ANKH: variants seen among roughly 807,000 people sequenced by gnomAD.
ANKH encodes the protein ANKH inorganic pyrophosphate transport regulator, also known as mineralization regulator ANKH.
In ANKH, 15 loss-of-function variants were observed where a neutral mutation model predicts 49.0. That is an observed-to-expected ratio of 0.31 (90% CI 0.20 to 0.47). The LOEUF is 0.47. Ranked by LOEUF, ANKH falls within the 20% of genes least tolerant of loss-of-function variation. ANKH has a pLI of 1.00. For missense variants in ANKH, 429 were observed against 652.0 expected (o/e 0.66, Z 3.72); for synonymous variants, 273 against 260.0 (o/e 1.05, Z -0.48).
chr5:14,845,218 T>C (rs1001943341), intron 1 of ANKH, among the ~76,000 whole-genome samples: 2 of 152,054 alleles, frequency 1.3e-5, no homozygotes, highest in Admixed American at 1.3e-4. Context: ...CGAGTATATA[T>C]GTTAAGAGTC....
chr5:14,781,134 G>A (rs1739792617), intron 1 of ANKH, among the ~76,000 whole-genome samples: 2 of 152,148 alleles, frequency 1.3e-5, no homozygotes, highest in Admixed American at 1.3e-4. Flanking sequence ...AAAGTGGCTT[G>A]GGTTAAATTG....
At chr5:14,803,828 A>T (rs1195702298) in intron 1 of ANKH, among the ~76,000 whole-genome samples, 7 of 152,296 alleles carry the variant, frequency 4.6e-5, no homozygotes, top group African/African-American at 1.7e-4. Context: ...ACTGGCAAGG[A>T]ATGTGGGAAC....
At chr5:14,787,844 G>C (rs935645110) in intron 1 of ANKH, among the ~76,000 whole-genome samples, 43 of 152,242 alleles carry the variant, frequency 2.8e-4, no homozygotes, top group African/African-American at 1.0e-3. Context: ...CTACATACTA[G>C]GAGTTATGTG....
chr5:14,812,030 C>T (rs1279507743), intron 1 of ANKH, among the ~76,000 whole-genome samples: 1 of 150,276 alleles, frequency 6.7e-6, no homozygotes, highest in Non-Finnish European at 1.5e-5. Context: ...GTCCATTCTT[C>T]TCTCTCTATT....
chr5:14,765,531 C>G (rs749007433), intron 2 of ANKH, among the ~76,000 whole-genome samples: 3 of 152,068 alleles, frequency 2.0e-5, no homozygotes, highest in Non-Finnish European at 4.4e-5. Flanking sequence ...TCTAACCCAG[C>G]CTTGTCTGGG....
intron 1 of ANKH, among the ~76,000 whole-genome samples, chr5:14,856,372 G>C (rs1735245959): frequency 6.6e-6 from 1 of 152,146 alleles, no homozygotes; most frequent in South Asian, 2.1e-4. Context: ...TTTGCATCCA[G>C]TCTGTTTGGT....
chr5:14,838,072 T>C (rs556525767), intron 1 of ANKH, among the ~76,000 whole-genome samples: 2 of 152,080 alleles, frequency 1.3e-5, no homozygotes, highest in Admixed American at 6.5e-5. Flanking sequence ...ATGAGAACAC[T>C]TGGACACAGG....
chr5:14,751,377 G>T, intron 4 of ANKH, 138 bp from the exon 5 acceptor site: 1 of 821,804 alleles, frequency 1.2e-6, no homozygotes, highest in Non-Finnish European at 2.0e-6. Flanking sequence ...ACCAAAAATT[G>T]GATGATGACC....
intron 8 of ANKH, among the ~76,000 whole-genome samples, chr5:14,734,284 C>G (rs573670839): frequency 1.3e-4 from 20 of 151,400 alleles, no homozygotes; most frequent in Non-Finnish European, 2.4e-4. Context: ...ATTAGCCAAT[C>G]GGAATTAGTT....
Position 14,709,284 on chromosome 5 carries a change from C to G in ANKH, c.*1913G>C, listed in dbSNP as rs960660857. 1 of 128,244 alleles carries G rather than the reference C, an allele frequency of 7.8e-6. No individual in the cohort carries two copies. Among genetic ancestry groups the G allele is most frequent in the African/African-American group, 2.7e-5 (1 of 37,312 alleles). 7.9% of individuals were successfully genotyped at this position (128,244 alleles called of 1,614,324 possible). A position where few individuals can be genotyped will look rare whatever the true frequency, so the allele number is the denominator to read the frequency against. On this transcript the variant is annotated 3_prime_UTR_variant, in exon 12 of 12. Transcript: ENST00000284268. ...TACTGTTTAATTTTCTAGTAATGTC[C>G]TTTAAAAAAAGCTGATACATTGAGA... is the stretch of plus-strand genomic sequence containing the variant.
intron 1 of ANKH, among the ~76,000 whole-genome samples, chr5:14,836,441 T>C (rs1741656290): frequency 1.3e-5 from 2 of 152,218 alleles, no homozygotes; most frequent in African/African-American, 4.8e-5. Context: ...AAAATCAATG[T>C]GCAAAAATCA....
In ANKH at chr5:14,711,013, C is replaced by T. The variant is rs945401515; in HGVS notation, c.*184G>A. 4.4e-5 allele frequency: 28 copies of T among 641,934 alleles called. No individual in the cohort carries two copies. The highest frequency in any genetic ancestry group is 1.7e-4 in the East Asian group (6 of 35,838). The allele number at this position is 641,934 out of a possible 1,614,324, so 39.8% of individuals were successfully genotyped here. A position where few individuals can be genotyped will look rare whatever the true frequency, so the allele number is the denominator to read the frequency against. ...CAACAGTAAAGACCATTCACTAGGT[C>T]CCCCCGTCAGTGTGAGCATACCCAG... On this transcript the variant is annotated 3_prime_UTR_variant, in exon 12 of 12. Coordinates refer to ENST00000284268, the MANE Select transcript of ANKH (RefSeq NM_054027.6).
intron 1 of ANKH, chr5:14,797,145 T>A (rs1292534189): frequency 7.4e-7 from 1 of 1,348,070 alleles, no homozygotes; most frequent in East Asian, 2.4e-5. Context: ...TCCTTCTGGA[T>A]CCATGCTTCC....
chr5:14,736,006 C>CTT (rs540010631), intron 8 of ANKH, among the ~76,000 whole-genome samples: 1,548 of 83,560 alleles, frequency 0.019, 54 homozygotes, highest in Non-Finnish European at 0.02. Flanking sequence ...AAAAACCTAA[C>CTT]TTTTTTTTTT....
At chr5:14,750,950 T>C in intron 5 of ANKH, 119 bp downstream of exon 5, 1 of 1,292,232 alleles carries the variant, frequency 7.7e-7, no homozygotes, top group Non-Finnish European at 1.1e-6. Context: ...CCTCTGGGTA[T>C]GACATCCTGG....
At chr5:14,759,220 T>G (rs1738996543) in intron 2 of ANKH, among the ~76,000 whole-genome samples, 1 of 152,150 alleles carries the variant, frequency 6.6e-6, no homozygotes, top group Non-Finnish European at 1.5e-5. Flanking sequence ...CGCTGGAAAA[T>G]GACATTGCGG....
At chr5:14,769,300 G>A (rs1351487229) in intron 1 of ANKH, 109 bp from the exon 2 acceptor site, 2 of 891,812 alleles carry the variant, frequency 2.2e-6, no homozygotes, top group African/African-American at 3.3e-5. Flanking sequence ...GAAACACTAA[G>A]TAGCTTATAG....
chr5:14,850,373 T>G (rs1039324591), intron 1 of ANKH, among the ~76,000 whole-genome samples: 2 of 152,242 alleles, frequency 1.3e-5, no homozygotes, highest in African/African-American at 4.8e-5. Flanking sequence ...TCCTTCCATT[T>G]AGAGGGAAAA....
rs989008193 is a variant in ANKH, at chr5:14,709,390, G to A, written c.*1807C>T. The A allele has an allele frequency of 6.6e-6, 1 of 152,066 alleles. No individual in the cohort carries two copies. Among genetic ancestry groups the A allele is most frequent in the Admixed American group, 6.5e-5 (1 of 15,270 alleles). The allele number at this position is 152,066 out of a possible 1,614,324, so 9.4% of individuals were successfully genotyped here. A position where few individuals can be genotyped will look rare whatever the true frequency, so the allele number is the denominator to read the frequency against. On this transcript the variant is annotated 3_prime_UTR_variant, in exon 12 of 12. Coordinates refer to ENST00000284268, the MANE Select transcript of ANKH (RefSeq NM_054027.6). ...ACTTAATTTTTCAGTACTCATATAT[G>A]TATTAATGGAGGAAAAGCCACTCTG...
Sources: allele counts gnomAD v4.1 joint callset (sites outside exome capture counted in the v4.1 genomes callset), GRCh38; gene constraint gnomAD v4.1.1; transcripts MANE v1.5; gene names NCBI Gene and HGNC (gene_info 2026-07-23, HGNC 2026-07-21).